Variants in TPRG1 observed in about 807,000 individuals in gnomAD.
TPRG1 encodes tumor protein p63-regulated gene 1 protein.
Under a neutral mutation model 29.3 loss-of-function variants are expected in TPRG1, and 29 were observed. That is an observed-to-expected ratio of 0.99 (90% CI 0.74 to 1.35). TPRG1 has a LOEUF of 1.35. Ranked by LOEUF, TPRG1 falls within the 40% of genes most tolerant of loss-of-function variation. The pLI, the probability that TPRG1 is intolerant of heterozygous loss-of-function variation, is 0.00. For synonymous variants in TPRG1, 130 were observed against 116.8 expected (o/e 1.11, Z -0.73); for missense variants, 327 against 335.0 (o/e 0.98, Z 0.19).
chr3:189,115,299 A>G (rs1163513674), intron 1 of TPRG1, among the ~76,000 whole-genome samples: 1 of 152,218 alleles, frequency 6.6e-6, no homozygotes, highest in Non-Finnish European at 1.5e-5. Flanking sequence ...AAACTTCAAC[A>G]TATTGGCGCA....
chr3:189,136,811 A>C (rs1723801149), intron 3 of TPRG1, among the ~76,000 whole-genome samples: 1 of 152,168 alleles, frequency 6.6e-6, no homozygotes, highest in Non-Finnish European at 1.5e-5. Flanking sequence ...CTAGGCAATA[A>C]TTATACTTCC....
intron 4 of TPRG1, chr3:189,240,219 CTG>C (rs1740309486): frequency 2.0e-5 from 3 of 152,126 alleles, no homozygotes; most frequent in African/African-American, 4.8e-5. Flanking sequence ...GCTTTTAAAA[CTG>C]TTGATTTTTT....
At position 189,324,243 on chromosome 3, in the gene TPRG1, A is replaced by C. The variant is rs1286296116; in HGVS notation, c.*3423A>C. On this transcript the variant is annotated 3_prime_UTR_variant, in exon 6 of 6. Transcript: ENST00000345063. ...GAAGGCAGAAAAACCATGTCAATTCAGTGCTTTTATTTCACAGAAAATGAA... is the reference window on the plus strand; with the variant it reads ...GAAGGCAGAAAAACCATGTCAATTCCGTGCTTTTATTTCACAGAAAATGAA... 6.6e-6 allele frequency: 1 copy of C among 152,142 alleles called. No individual in the cohort carries two copies. Among genetic ancestry groups the C allele is most frequent in the Admixed American group, 6.6e-5 (1 of 15,242 alleles). 9.4% of individuals were successfully genotyped at this position (152,142 alleles called of 1,614,324 possible). A position where few individuals can be genotyped will look rare whatever the true frequency, so the allele number is the denominator to read the frequency against.
At chr3:189,025,669 AG>A in intron 4 of TPRG1, among the ~76,000 whole-genome samples, 1 of 152,336 alleles carries the variant, frequency 6.6e-6, no homozygotes, top group South Asian at 2.1e-4. Context: ...CTCTGAAATA[AG>A]GGGAAAAACA....
intron 3 of TPRG1, among the ~76,000 whole-genome samples, chr3:189,219,214 G>A (rs1405284542): frequency 6.6e-6 from 1 of 152,178 alleles, no homozygotes; most frequent in Non-Finnish European, 1.5e-5. Context: ...AAGCTGCTTT[G>A]TGATTCTCTA....
chr3:189,010,787 C>A (rs1712557838), intron 3 of TPRG1, among the ~76,000 whole-genome samples: 1 of 152,052 alleles, frequency 6.6e-6, no homozygotes, highest in East Asian at 1.9e-4. Context: ...TTAATTAGAT[C>A]CCATTTGTCT....
At chr3:189,283,987 T>C (rs919553122) in intron 4 of TPRG1, among the ~76,000 whole-genome samples, 2 of 152,168 alleles carry the variant, frequency 1.3e-5, no homozygotes, top group Non-Finnish European at 2.9e-5. Context: ...CCTTGGCCTA[T>C]TACCAGATTG....
chr3:189,118,406 A>T (rs1328670864), intron 1 of TPRG1, among the ~76,000 whole-genome samples: 2 of 152,284 alleles, frequency 1.3e-5, no homozygotes, highest in African/African-American at 4.8e-5. Flanking sequence ...AGAAAACCCC[A>T]TTTTCTGGGG....
At chr3:189,073,988 G>A (rs1167650046) in intron 4 of TPRG1, among the ~76,000 whole-genome samples, 1 of 151,988 alleles carries the variant, frequency 6.6e-6, no homozygotes, top group Non-Finnish European at 1.5e-5. Flanking sequence ...TTCAAGTTGT[G>A]AACTCCTTTA....
At chr3:189,265,386 T>G (rs1026826720) in intron 4 of TPRG1, among the ~76,000 whole-genome samples, 2 of 152,200 alleles carry the variant, frequency 1.3e-5, no homozygotes, top group African/African-American at 4.8e-5. Flanking sequence ...CCCGATTTTC[T>G]TTTTCTACCT....
At chr3:189,178,497 C>T (rs954328512) in intron 1 of TPRG1, among the ~76,000 whole-genome samples, 2 of 152,082 alleles carry the variant, frequency 1.3e-5, no homozygotes, top group African/African-American at 4.8e-5. Flanking sequence ...CCAGCCTGGG[C>T]GATAGAGTGA....
At chr3:189,095,256 A>G (rs1463345226), upstream of TPRG1, among the ~76,000 whole-genome samples, 1 of 152,186 alleles carries the variant, frequency 6.6e-6, no homozygotes, top group Non-Finnish European at 1.5e-5. Context: ...AGATTTGGGT[A>G]ATGAAGACTG....
intron 1 of TPRG1, among the ~76,000 whole-genome samples, chr3:189,175,687 T>C (rs1002901055): frequency 6.6e-6 from 1 of 152,226 alleles, no homozygotes; most frequent in Non-Finnish European, 1.5e-5. Flanking sequence ...CACAGTATCA[T>C]GTGAAGTGAG....
At chr3:189,008,074 A>C (rs140664269) in intron 3 of TPRG1, among the ~76,000 whole-genome samples, 1,529 of 68,052 alleles carry the variant, frequency 0.022, 35 homozygotes, top group African/African-American at 0.063. Flanking sequence ...GAAAAAAAAA[A>C]AAACGTTCTA....
chr3:189,179,837 A>G (rs1386569837), intron 1 of TPRG1, among the ~76,000 whole-genome samples: 1 of 152,234 alleles, frequency 6.6e-6, no homozygotes, highest in Non-Finnish European at 1.5e-5. Context: ...CAAGTTCAAG[A>G]CATTCTTATA....
rs115152971 is a variant in TPRG1, at chr3:189,232,133, T to C, written c.303-6600T>C. ...TATGATGGAACTCATGGTAGGACTT[T>C]CCTTACTAAAGAGAAAAAGTAGCTT... On this transcript the variant is annotated intron_variant, in intron 3 of 5. Coordinates refer to ENST00000345063, the MANE Select transcript of TPRG1 (RefSeq NM_198485.4). Among the ~76,000 whole-genome samples the C allele has an allele frequency of 5.2e-3, 788 of 152,292 alleles. 3 individuals carry two copies. The highest frequency in any genetic ancestry group is 0.017 in the African/African-American group (691 of 41,550).
intron 4 of TPRG1, among the ~76,000 whole-genome samples, chr3:189,276,958 G>A (rs1576932344): frequency 1.3e-5 from 2 of 151,974 alleles, no homozygotes; most frequent in South Asian, 2.1e-4. Flanking sequence ...AGATGCTTTC[G>A]GGATGAATCA....
chr3:189,076,747 A>G (rs1477148259), intron 4 of TPRG1, among the ~76,000 whole-genome samples: 1 of 152,140 alleles, frequency 6.6e-6, no homozygotes, highest in Non-Finnish European at 1.5e-5. Context: ...TTCCAGGAAG[A>G]TACTAATGGG....
intron 5 of TPRG1, among the ~76,000 whole-genome samples, chr3:189,155,758 C>G (rs1726585196): frequency 6.6e-6 from 1 of 152,176 alleles, no homozygotes; most frequent in Non-Finnish European, 1.5e-5. Flanking sequence ...ACTGCCTGAT[C>G]TCACTTATGT....
Sources: gnomAD v4.1 joint callset for allele counts (sites outside exome capture counted in the v4.1 genomes callset) on GRCh38, gnomAD v4.1.1 for gene constraint, MANE v1.5 for transcripts, NCBI Gene and HGNC (gene_info 2026-07-23, HGNC 2026-07-21) for gene names.